The following MYO5B variants were observed in gnomAD, a reference collection of about 807,000 sequenced individuals.
MYO5B encodes myosin VB.
A neutral mutation model predicts 229.3 loss-of-function variants in MYO5B; 143 were observed. The observed-to-expected ratio is 0.62, with a 90% CI of 0.54 to 0.72. The LOEUF is 0.72. MYO5B is among the 30% of genes least tolerant of loss of function. MYO5B has a pLI of 0.00. For missense variants in MYO5B, 2,321 were observed against 2,331.0 expected (o/e 1.00, Z 0.09); for synonymous variants, 918 against 885.2 (o/e 1.04, Z -0.66).
At chr18:50,102,293 T>C (rs1445028715) in intron 1 of MYO5B, among the ~76,000 whole-genome samples, 5 of 151,940 alleles carry the variant, frequency 3.3e-5, no homozygotes, top group Admixed American at 2.6e-4. Flanking sequence ...CGAACCACCA[T>C]GGCACACCAC....
At chr18:50,145,222 T>C (rs1039535681) in intron 1 of MYO5B, among the ~76,000 whole-genome samples, 1 of 152,124 alleles carries the variant, frequency 6.6e-6, no homozygotes, top group African/African-American at 2.4e-5. Context: ...GTGCAGCTCC[T>C]CATGCCTGCA....
chr18:50,122,111 C>T (rs1312322988), intron 1 of MYO5B, among the ~76,000 whole-genome samples: 1 of 152,140 alleles, frequency 6.6e-6, no homozygotes, highest in East Asian at 1.9e-4. Flanking sequence ...GTGGAAAAAG[C>T]AGGGTGCTGT....
chr18:49,868,556 G>A lies in MYO5B; in HGVS notation c.3603+3611C>T, dbSNP rs186169134. Among the ~76,000 whole-genome samples the A allele has an allele frequency of 3.0e-3, 450 of 152,338 alleles. 2 individuals carry two copies. The highest frequency in any genetic ancestry group is 0.01 in the African/African-American group (431 of 41,574). ...AGAAAAACCAACACTGCTGCTGGCC[G>A]TAAGCAGGGTCTGTCTGCCCAGCCA... On this transcript the variant is annotated intron_variant, in intron 27 of 39. Transcript: ENST00000285039.
intron 4 of MYO5B, among the ~76,000 whole-genome samples, chr18:50,018,913 C>T (rs1029253529): frequency 6.6e-6 from 1 of 152,160 alleles, no homozygotes; most frequent in Non-Finnish European, 1.5e-5. Flanking sequence ...AGATAATATC[C>T]CAAGCTAACT....
chr18:50,093,247 A>C (rs572741775), intron 1 of MYO5B, among the ~76,000 whole-genome samples: 52 of 151,768 alleles, frequency 3.4e-4, no homozygotes, highest in African/African-American at 1.2e-3. Context: ...CACACACACA[A>C]AAGAATATTA....
chr18:49,928,947 T>C (rs2025158997), intron 17 of MYO5B, among the ~76,000 whole-genome samples: 2 of 152,142 alleles, frequency 1.3e-5, no homozygotes, highest in East Asian at 1.9e-4. Context: ...AACGATACAA[T>C]GAACTTTGAG....
intron 5 of MYO5B, among the ~76,000 whole-genome samples, chr18:49,999,398 G>A (rs1281261930): frequency 5.3e-5 from 8 of 152,238 alleles, no homozygotes; most frequent in Admixed American, 2.0e-4. Context: ...GACCTGGGCC[G>A]TGGCCATGCC....
At chr18:49,835,500 G>A (rs1053644932) in intron 38 of MYO5B, 76 bp from the exon 39 acceptor site, 45 of 910,664 alleles carry the variant, frequency 4.9e-5, no homozygotes, top group Non-Finnish European at 7.0e-5. Context: ...AAGAATATGT[G>A]ACATTGGTAC....
At chr18:49,912,837 C>T (rs1212790229) in intron 17 of MYO5B, among the ~76,000 whole-genome samples, 1 of 152,204 alleles carries the variant, frequency 6.6e-6, no homozygotes, top group Non-Finnish European at 1.5e-5. Context: ...TGCAGTGCTC[C>T]ACTCCTCAGA....
At chr18:49,993,214 G>A (rs1402763472) in intron 5 of MYO5B, among the ~76,000 whole-genome samples, 2 of 151,884 alleles carry the variant, frequency 1.3e-5, no homozygotes, top group African/African-American at 2.4e-5. Flanking sequence ...ATTTTTAGGT[G>A]GATAAAACAC....
At chr18:50,151,444 A>G (rs1284095031) in intron 1 of MYO5B, among the ~76,000 whole-genome samples, 2 of 152,306 alleles carry the variant, frequency 1.3e-5, no homozygotes, top group East Asian at 1.9e-4. Context: ...TTGAAGGATC[A>G]TGATATAAAT....
At chr18:49,920,224 G>A (rs117929135) in intron 17 of MYO5B, among the ~76,000 whole-genome samples, 3 of 152,286 alleles carry the variant, frequency 2.0e-5, no homozygotes, top group East Asian at 3.9e-4. Flanking sequence ...TTAGACAGTG[G>A]TGATGGTTGT....
intron 1 of MYO5B, among the ~76,000 whole-genome samples, chr18:50,100,646 A>T (rs1276282434): frequency 6.6e-6 from 1 of 152,212 alleles, no homozygotes; most frequent in Non-Finnish European, 1.5e-5. Flanking sequence ...GCTCAGGCAC[A>T]GTCACTGGGG....
intron 2 of MYO5B, among the ~76,000 whole-genome samples, chr18:50,043,679 A>C (rs1030153958): frequency 7.9e-5 from 11 of 139,900 alleles, no homozygotes; most frequent in Non-Finnish European, 1.7e-4. Context: ...TATATTTATA[A>C]ATATATATAA....
In MYO5B at chr18:49,837,567, G is replaced by T; in HGVS notation, c.5088C>A (p.Asn1696Lys). Residue 1696 changes from asparagine (N) to lysine (K), a missense_variant, in exon 37 of 40, where the codon AAC (asparagine) becomes AAA (lysine). By Grantham distance (94) the Asn-to-Lys change is moderately conservative. Around this residue, in one of 2 missense-constraint regions of MYO5B, gnomAD observed 208 missense variants for 286.3 expected, o/e 0.73. Transcript: ENST00000285039. ...FYMINAVTLN[N>K]LLLRKDVCSW... ...AGCAGACGTCCTTCCGCAAGAGCAG[G>T]TTGTTAAGAGTCACTGCGTTGATCA... 1 of 1,613,982 alleles carries T rather than the reference G, an allele frequency of 6.2e-7. No homozygotes were observed. Among genetic ancestry groups the T allele is most frequent in the South Asian group, 1.1e-5 (1 of 91,072 alleles).
intron 17 of MYO5B, among the ~76,000 whole-genome samples, chr18:49,927,061 T>C (rs2025136046): frequency 6.6e-6 from 1 of 152,116 alleles, no homozygotes; most frequent in Non-Finnish European, 1.5e-5. Context: ...TTTTGCAAGA[T>C]GAAAAGAGTT....
intron 4 of MYO5B, among the ~76,000 whole-genome samples, chr18:50,010,711 T>C (rs2026152361): frequency 2.0e-5 from 3 of 152,240 alleles, no homozygotes; most frequent in Admixed American, 1.3e-4. Flanking sequence ...AGACTTATTC[T>C]AATGTTGTCA....
chr18:49,972,775 A>C (rs2025704944), intron 10 of MYO5B, among the ~76,000 whole-genome samples: 1 of 152,102 alleles, frequency 6.6e-6, no homozygotes, highest in Admixed American at 6.5e-5. Flanking sequence ...GAGCAACTAC[A>C]AGGGCTGAGC....
chr18:50,030,111 G>A (rs570841310), intron 4 of MYO5B, among the ~76,000 whole-genome samples: 3 of 152,252 alleles, frequency 2.0e-5, no homozygotes, highest in East Asian at 1.9e-4. Flanking sequence ...ATGTATTTCC[G>A]AAGATCCAAG....
Sources: allele counts gnomAD v4.1 joint callset (sites outside exome capture counted in the v4.1 genomes callset), GRCh38; gene constraint gnomAD v4.1.1; regional missense constraint gnomAD v4.1.1; transcripts MANE v1.5; gene names NCBI Gene and HGNC (gene_info 2026-07-23, HGNC 2026-07-21).